The following PSD variants were observed in gnomAD, a reference collection of about 807,000 sequenced individuals.
PSD encodes the protein PH and SEC7 domain-containing protein 1.
In PSD, 32 loss-of-function variants were observed where a neutral mutation model predicts 91.6. The observed-to-expected ratio is 0.35, with a 90% confidence interval of 0.26 to 0.47. The LOEUF (loss-of-function observed/expected upper bound fraction) is 0.47, where lower values mean the gene tolerates loss of function less well. Among genes scored for constraint, PSD ranks in the 20% least tolerant of loss-of-function variants. PSD has a pLI of 1.00. For missense variants in PSD, 1,099 were observed against 1,373.9 expected, an observed-to-expected ratio of 0.80 and a Z score of 3.16; for synonymous variants, 532 against 569.3, an observed-to-expected ratio of 0.93 and a Z score of 0.93.
Position 102,414,301 on chromosome 10 carries a change from C to T in PSD, c.1125-104G>A. The T allele has an allele frequency of 2.6e-6, 3 of 1,140,736 alleles. No individual in the cohort carries two copies. The South Asian group carries it at 4.6e-5, about 18-fold the overall frequency. The allele number at this position is 1,140,736 out of a possible 1,614,324, so 70.7% of individuals were successfully genotyped here. A position where few individuals can be genotyped will look rare whatever the true frequency, so the allele number is the denominator to read the frequency against. On this transcript the variant is annotated intron_variant, in intron 4 of 16. Transcript: ENST00000020673. The surrounding 1 kb of genome is among the most constrained non-coding windows in gnomAD (Gnocchi z 5.6). Reference sequence around the variant, plus strand: ...ACTCTGCTAAGGGGATTATCATCCCCTTTTCACTGGCTCCAGCCCACTAAC... The same window carrying T: ...ACTCTGCTAAGGGGATTATCATCCCTTTTTCACTGGCTCCAGCCCACTAAC...
Position 102,403,563 on chromosome 10 carries a change from C to G in PSD, c.2845-133G>C, listed in dbSNP as rs771764607. The G allele has an allele frequency of 1.4e-5, 13 of 910,278 alleles. No individual in the cohort carries two copies. Among genetic ancestry groups the G allele is most frequent in the Non-Finnish European group, 1.8e-5 (11 of 616,218 alleles). 56.4% of individuals were successfully genotyped at this position (910,278 alleles called of 1,614,324 possible). A position where few individuals can be genotyped will look rare whatever the true frequency, so the allele number is the denominator to read the frequency against. On this transcript the variant is annotated intron_variant, in intron 16 of 16. Coordinates refer to ENST00000020673, the MANE Select transcript of PSD (RefSeq NM_002779.5). This position sits in a 1 kb window ranked among gnomAD's most constrained non-coding sequence, Gnocchi z 6.7. ...CCCAGGACTGTGAGATGGTCCCATG[C>G]GGGCTGGTGCCCCCTCTGGGCTCTC...
At chr10:102,406,531 G>A (rs1434434008) in intron 11 of PSD, among the ~76,000 whole-genome samples, 5 of 144,028 alleles carry the variant, frequency 3.5e-5, no homozygotes, top group South Asian at 2.2e-4. Flanking sequence ...TTTTTGAGAC[G>A]GAGTCTCTCT....
chr10:102,403,300 G>A lies in PSD; in HGVS notation c.2975C>T (p.Ser992Phe). ...STEDGLPPSHSSPSLQPKPSS... is the reference protein window; with the variant it reads ...STEDGLPPSHFSPSLQPKPSS... ...GGGTTTGGGCTGCAGGGAGGGACTG[G>A]AGTGAGAAGGAGGGAGTCCATCCTC... The change falls in exon 17 of 17, where the codon TCC becomes TTC. Residue 992 changes from serine to phenylalanine, a missense_variant. Around this residue, in one of 3 missense-constraint regions of PSD, gnomAD observed 358 missense variants for 426.5 expected, o/e 0.84. Coordinates refer to ENST00000020673, the MANE Select transcript of PSD (RefSeq NM_002779.5). The surrounding 1 kb of genome is among the most constrained non-coding windows in gnomAD (Gnocchi z 6.7). The A allele has an allele frequency of 6.2e-7, 1 of 1,614,062 alleles. No individual in the cohort carries two copies. The highest frequency in any genetic ancestry group is 8.5e-7 in the Non-Finnish European group (1 of 1,179,992).
At chr10:102,411,878 G>C in intron 7 of PSD, 59 bp from the exon 8 acceptor site, 4 of 1,289,972 alleles carry the variant, frequency 3.1e-6, no homozygotes. Context: ...CTCTGTCTCT[G>C]GGGTGACAGG....
intron 1 of PSD, 87 bp from the exon 2 acceptor site, chr10:102,417,208 G>T: frequency 1.7e-6 from 1 of 584,096 alleles, no homozygotes; most frequent in South Asian, 2.0e-5. Flanking sequence ...AAGTTGGCTA[G>T]GGCCTCTGAG....
At chr10:102,415,313 G>T in intron 3 of PSD, 84 bp from the exon 4 acceptor site, 1 of 1,437,958 alleles carries the variant, frequency 7.0e-7, no homozygotes. Context: ...TCTGCCCACT[G>T]CCTCATATTG....
In PSD at chr10:102,416,804, C is replaced by A. The variant is rs972885362; in HGVS notation, c.235G>T (p.Ala79Ser). ...GAAGAGGGTGCCCAGGGTGAGGGAG[C>A]AACACGGGGTGAGGGGGGGCCACGC... ...PLRGPPSPRV[A>S]PSPWAPSSPT... is the part of the protein sequence containing the mutation. Residue 79 changes from alanine (A) to serine (S), a missense_variant, in exon 2 of 17, where the codon GCT becomes TCT. Physicochemically the swap from Ala to Ser is moderately conservative, Grantham distance 99. This residue lies in a region of PSD where 631 missense variants were observed against 728.8 expected (regional missense o/e 0.87). Transcript: ENST00000020673. This position sits in a 1 kb window ranked among gnomAD's most constrained non-coding sequence, Gnocchi z 6.0. The A allele has an allele frequency of 1.9e-6, 3 of 1,597,702 alleles. No individual in the cohort carries two copies. Among genetic ancestry groups the A allele is most frequent in the African/African-American group, 1.3e-5 (1 of 74,804 alleles).
chr10:102,416,822 G>A lies in PSD; in HGVS notation c.217C>T (p.Pro73Ser), dbSNP rs1176723883. 1 of 1,598,386 alleles carries A rather than the reference G, an allele frequency of 6.3e-7. No individual in the cohort carries two copies. The highest frequency in any genetic ancestry group is 1.3e-5 in the African/African-American group (1 of 74,702). Residue 73 changes from proline (P) to serine (S), a missense_variant, in exon 2 of 17, where the codon CCC becomes TCC. Physicochemically the swap from Pro to Ser is moderately conservative, Grantham distance 74. Around this residue, in one of 3 missense-constraint regions of PSD, gnomAD observed 631 missense variants for 728.8 expected, o/e 0.87. Transcript: ENST00000020673. The surrounding 1 kb of genome is among the most constrained non-coding windows in gnomAD (Gnocchi z 6.0). ...VTAPCTPLRG[P>S]PSPRVAPSPW... The stretch of plus-strand genomic sequence containing the variant: ...GAGGGAGCAACACGGGGTGAGGGGG[G>A]GCCACGCAGAGGTGTACAGGGTGCT...
In PSD at chr10:102,410,767, A is replaced by C; in HGVS notation, c.2091+91T>G. 285 of 758,990 alleles carry C rather than the reference A, an allele frequency of 3.8e-4. No individual in the cohort carries two copies. Among genetic ancestry groups the C allele is most frequent in the East Asian group, 6.1e-4 (20 of 32,736 alleles). The allele number at this position is 758,990 out of a possible 1,614,324, so 47.0% of individuals were successfully genotyped here. The stretch of plus-strand genomic sequence containing the variant: ...CAGGAGCCGGGGGTCGGCAAGCCCC[A>C]GCCCTGCCCTCCCTCCGACTCTGGA... On this transcript the variant is annotated intron_variant, in intron 10 of 16. Coordinates refer to ENST00000020673, the MANE Select transcript of PSD (RefSeq NM_002779.5). The surrounding 1 kb of genome is among the most constrained non-coding windows in gnomAD (Gnocchi z 6.0).
intron 3 of PSD, 112 bp from the exon 4 acceptor site, chr10:102,415,341 T>C: frequency 2.3e-6 from 3 of 1,298,326 alleles, no homozygotes; most frequent in East Asian, 2.5e-5. Context: ...GTTCTTTCAC[T>C]GTCTAGCCAC....
chr10:102,405,654 C>T lies in PSD; in HGVS notation c.2136-118G>A, dbSNP rs2135450370. On this transcript the variant is annotated intron_variant, in intron 11 of 16. Transcript: ENST00000020673. This position sits in a 1 kb window ranked among gnomAD's most constrained non-coding sequence, Gnocchi z 5.4. ...GTGTTTGTGGCTTGGGGGGCTCAACCTGAGGGTCCTGCCATGTCTCCCGTC... is the reference window on the plus strand; with the variant it reads ...GTGTTTGTGGCTTGGGGGGCTCAACTTGAGGGTCCTGCCATGTCTCCCGTC... The T allele has an allele frequency of 1.1e-6, 1 of 910,524 alleles. No homozygotes were observed. Among genetic ancestry groups the T allele is most frequent in the South Asian group, 1.7e-5 (1 of 59,798 alleles). 56.4% of individuals were successfully genotyped at this position (910,524 alleles called of 1,614,324 possible).
chr10:102,407,296 T>C, intron 10 of PSD, 30 bp from the exon 11 acceptor site: 2 of 1,496,292 alleles, frequency 1.3e-6, no homozygotes, highest in East Asian at 2.5e-5. Context: ...AATTAGGGGG[T>C]TGTGGGTCAG....
At position 102,414,927 on chromosome 10, in the gene PSD, C is replaced by G. The variant is rs557064437; in HGVS notation, c.1060G>C (p.Asp354His). Residue 354 changes from aspartate (D) to histidine (H), a missense_variant, in exon 4 of 17, where the codon GAC becomes CAC. Transcript: ENST00000020673. The surrounding 1 kb of genome is among the most constrained non-coding windows in gnomAD (Gnocchi z 5.6). Reference sequence around the variant, plus strand: ...TCTTCTTCCCCACCTGCCTCATCGTCGTCCTCATCCTCATTGCCACTGCCG... The same window carrying G: ...TCTTCTTCCCCACCTGCCTCATCGTGGTCCTCATCCTCATTGCCACTGCCG... ...SLGSGNEDED[D>H]DEAGGEEDVD... The G allele has an allele frequency of 7.9e-6, 12 of 1,527,634 alleles. No homozygotes were observed. The South Asian group carries it at 1.3e-4, about 16-fold the overall frequency. The allele number at this position is 1,527,634 out of a possible 1,614,324, so 94.6% of individuals were successfully genotyped here.
Position 102,416,235 on chromosome 10 carries a change from G to A in PSD, c.655-116C>T. 4 of 1,206,580 alleles carry A rather than the reference G, an allele frequency of 3.3e-6. No individual in the cohort carries two copies. The highest frequency in any genetic ancestry group is 4.7e-6 in the Non-Finnish European group (4 of 850,940). The allele number at this position is 1,206,580 out of a possible 1,614,324, so 74.7% of individuals were successfully genotyped here. On this transcript the variant is annotated intron_variant, in intron 2 of 16. Transcript: ENST00000020673. The surrounding 1 kb of genome is among the most constrained non-coding windows in gnomAD (Gnocchi z 6.0). ...GCATCGACAGAGATGGAGGTTCAGA[G>A]ACACAGAGACAAACACAGAGGGCAA...
In PSD at chr10:102,409,291, A is replaced by G. The variant is rs1390560081; in HGVS notation, c.2091+1567T>C. On this transcript the variant is annotated intron_variant, in intron 10 of 16. Coordinates refer to ENST00000020673, the MANE Select transcript of PSD (RefSeq NM_002779.5). This position sits in a 1 kb window ranked among gnomAD's most constrained non-coding sequence, Gnocchi z 5.7. Reference sequence around the variant, plus strand: ...GCTGTCTGCTCTGCGGCTTGGCTAGAGCGGGAGGGGGGCGCCGACGGGAAA... The same window carrying G: ...GCTGTCTGCTCTGCGGCTTGGCTAGGGCGGGAGGGGGGCGCCGACGGGAAA... 2.0e-6 allele frequency: 2 copies of G among 985,058 alleles called. No individual in the cohort carries two copies. Among genetic ancestry groups the G allele is most frequent in the Non-Finnish European group, 2.4e-6 (2 of 829,630 alleles). 61.0% of individuals were successfully genotyped at this position (985,058 alleles called of 1,614,324 possible).
intron 7 of PSD, 96 bp downstream of exon 7, chr10:102,412,051 G>T: frequency 2.3e-6 from 3 of 1,325,620 alleles, no homozygotes; most frequent in South Asian, 1.2e-5. Flanking sequence ...ATGTCAGGAC[G>T]GCTTGTGGGG....
In PSD at chr10:102,404,747, C is replaced by CT; in HGVS notation, c.2556-21dup. 1 of 1,559,638 alleles carries CT rather than the reference C, an allele frequency of 6.4e-7. No individual in the cohort carries two copies. On this transcript the variant is annotated intron_variant, in intron 14 of 16. Transcript: ENST00000020673. The surrounding 1 kb of genome is among the most constrained non-coding windows in gnomAD (Gnocchi z 5.7). ...AGGCTCCTGGGGAGAAAGCACAGCCCTTTGGGACCTGGGCCCAGGGTTTCT... is the reference window on the plus strand; with the variant it reads ...AGGCTCCTGGGGAGAAAGCACAGCCCTTTTGGGACCTGGGCCCAGGGTTTCT...
In PSD at chr10:102,417,139, G is replaced by A; in HGVS notation, c.-83-18C>T. On this transcript the variant is annotated intron_variant, in intron 1 of 16. Coordinates refer to ENST00000020673, the MANE Select transcript of PSD (RefSeq NM_002779.5). ...AGACAGGCCTGTAAGAGAGGAAGGG[G>A]AGCATGGGGTGAACTGCCAAGGAGT... 2 of 677,448 alleles carry A rather than the reference G, an allele frequency of 3.0e-6. No individual in the cohort carries two copies. The highest frequency in any genetic ancestry group is 5.0e-6 in the Non-Finnish European group (2 of 401,430). The allele number at this position is 677,448 out of a possible 1,614,324, so 42.0% of individuals were successfully genotyped here. A position where few individuals can be genotyped will look rare whatever the true frequency, so the allele number is the denominator to read the frequency against.
chr10:102,412,936 G>A (rs1449448864), intron 5 of PSD, among the ~76,000 whole-genome samples: 1 of 152,148 alleles, frequency 6.6e-6, no homozygotes, highest in East Asian at 1.9e-4. Flanking sequence ...GGACAAAGCT[G>A]GAATAGATGG....
Sources: allele counts gnomAD v4.1 joint callset (sites outside exome capture counted in the v4.1 genomes callset), GRCh38; gene constraint gnomAD v4.1.1; regional missense constraint gnomAD v4.1.1; non-coding constraint Gnocchi (gnomAD v3.1); transcripts MANE v1.5; gene names NCBI Gene and HGNC (gene_info 2026-07-23, HGNC 2026-07-21).